CACNA1A: variants seen among roughly 807,000 people sequenced by gnomAD.
The protein encoded by CACNA1A is voltage-dependent P/Q-type calcium channel subunit alpha-1A.
CACNA1A carries 57 observed loss-of-function variants against 262.4 expected under a neutral mutation model. That is an observed-to-expected ratio of 0.22 (90% CI 0.18 to 0.27). The LOEUF (loss-of-function observed/expected upper bound fraction) is 0.27, where lower values mean the gene tolerates loss of function less well. Among genes scored for constraint, CACNA1A ranks in the 10% least tolerant of loss-of-function variants. The pLI, the probability that CACNA1A is intolerant of heterozygous loss-of-function variation, is 1.00. For synonymous variants in CACNA1A, 1,431 were observed against 1,419.3 expected (o/e 1.01, Z -0.18); for missense variants, 2,526 against 3,562.8 (o/e 0.71, Z 7.41).
rs1491475435 is a variant in CACNA1A at position 13,212,848 on chromosome 19, A to ACACACACT, written c.5941-109_5941-108insAGTGTGTG. ...AGTATACACACACACACACACACAC[A>ACACACACT]CTCTCTCAGGTCTCATCCATCTAGA... On this transcript the variant is annotated intron_variant, in intron 40 of 46. Coordinates refer to ENST00000360228, the MANE Select transcript of CACNA1A (RefSeq NM_001127222.2). This position sits in a 1 kb window ranked among gnomAD's most constrained non-coding sequence, Gnocchi z 5.6. The ACACACACT allele has an allele frequency of 1.6e-3, 876 of 542,094 alleles. 11 individuals are homozygous for ACACACACT. Among genetic ancestry groups the ACACACACT allele is most frequent in the African/African-American group, 0.015 (743 of 51,082 alleles). 33.6% of individuals were successfully genotyped at this position (542,094 alleles called of 1,614,324 possible).
chr19:13,255,040 A>T (rs765784722), intron 29 of CACNA1A, 55 bp downstream of exon 29: 68 of 1,572,572 alleles, frequency 4.3e-5, no homozygotes, highest in Non-Finnish European at 5.9e-5. Context: ...ATCAGGGTAG[A>T]GGCAGGAACG....
At chr19:13,350,242 C>T (rs2058882459) in intron 6 of CACNA1A, among the ~76,000 whole-genome samples, 1 of 152,174 alleles carries the variant, frequency 6.6e-6, no homozygotes, top group Non-Finnish European at 1.5e-5. Context: ...GTACTACTGA[C>T]ATTTTGGGCT....
At chr19:13,490,566 C>T (rs914535339) in intron 1 of CACNA1A, among the ~76,000 whole-genome samples, 1 of 151,410 alleles carries the variant, frequency 6.6e-6, no homozygotes, top group Non-Finnish European at 1.5e-5. Flanking sequence ...TGTGCCATTG[C>T]ACTCCAGCCT....
chr19:13,292,603 G>A (rs1189864972), intron 19 of CACNA1A, among the ~76,000 whole-genome samples: 3 of 151,572 alleles, frequency 2.0e-5, no homozygotes, highest in Admixed American at 2.0e-4. Context: ...ATGACAAAGC[G>A]AGACCATGTC....
chr19:13,341,930 G>A (rs993250269), intron 6 of CACNA1A, among the ~76,000 whole-genome samples: 2 of 152,082 alleles, frequency 1.3e-5, no homozygotes, highest in East Asian at 1.9e-4. Flanking sequence ...GCACACAGTC[G>A]GTGCTCAATA....
chr19:13,466,661 ACTGCTG>A (rs199568697), intron 1 of CACNA1A, among the ~76,000 whole-genome samples: 4 of 122,588 alleles, frequency 3.3e-5, no homozygotes, highest in African/African-American at 1.5e-4. Context: ...CTTTTAAAAT[ACTGCTG>A]CTGCTGCTGC....
At chr19:13,459,936 T>C (rs566995004) in intron 1 of CACNA1A, among the ~76,000 whole-genome samples, 8 of 152,328 alleles carry the variant, frequency 5.3e-5, no homozygotes, top group South Asian at 2.1e-4. Context: ...TCTCTGGGTA[T>C]GGCAATAAAA....
chr19:13,228,989 C>G, intron 36 of CACNA1A: 1 of 320,502 alleles, frequency 3.1e-6, no homozygotes, highest in Non-Finnish European at 5.8e-6. Context: ...CAGTCGAGTT[C>G]GGGACTGCAG....
chr19:13,305,879 G>GT (rs1252047940), intron 15 of CACNA1A, among the ~76,000 whole-genome samples: 1 of 152,132 alleles, frequency 6.6e-6, no homozygotes, highest in African/African-American at 2.4e-5. Flanking sequence ...GGCCAACATA[G>GT]TGAAACCCTG....
intron 30 of CACNA1A, among the ~76,000 whole-genome samples, chr19:13,247,774 G>C (rs578259461): frequency 6.6e-6 from 1 of 151,894 alleles, no homozygotes; most frequent in African/African-American, 2.4e-5. Context: ...GGCACTTTTG[G>C]CATTTTGGCA....
intron 10 of CACNA1A, among the ~76,000 whole-genome samples, chr19:13,320,321 C>T (rs935230189): frequency 5.3e-5 from 8 of 151,848 alleles, no homozygotes; most frequent in Admixed American, 2.0e-4. Context: ...CTGCTGGAGC[C>T]ACACTGAAAA....
intron 3 of CACNA1A, among the ~76,000 whole-genome samples, chr19:13,425,056 A>G (rs2060378906): frequency 6.6e-6 from 1 of 152,052 alleles, no homozygotes; most frequent in Admixed American, 6.6e-5. Flanking sequence ...CGCCCACCTT[A>G]GCCTCCCAAA....
Position 13,332,908 on chromosome 19 carries a change from C to T in CACNA1A, c.1216G>A (p.Glu406Lys), listed in dbSNP as rs2058491162. ...CTCTGCTCCCCGTCAGTTTCATCCT[C>T]GGCGAGGATCACCTCTTCTGAAGAG... Reference protein sequence around the residue: ...ISKAEEVILAEDETDGEQRHP... With the variant: ...ISKAEEVILAKDETDGEQRHP... Residue 406 changes from glutamate (E) to lysine (K), a missense_variant, in exon 9 of 47, where the codon GAG (glutamate) becomes AAG (lysine). Glu to Lys is a moderately conservative substitution (Grantham distance 56, BLOSUM62 1). This residue lies in a region of CACNA1A where 104 missense variants were observed against 127.6 expected (regional missense o/e 0.81). Coordinates refer to ENST00000360228, the MANE Select transcript of CACNA1A (RefSeq NM_001127222.2). 15 of 1,612,592 alleles carry T rather than the reference C, an allele frequency of 9.3e-6. No homozygotes were observed. The highest frequency in any genetic ancestry group is 9.3e-6 in the Non-Finnish European group (11 of 1,179,070).
rs767440240 is a variant in CACNA1A, at chr19:13,212,414, G to A, written c.6159C>T (p.Thr2053=). 8 of 1,613,378 alleles carry A rather than the reference G, an allele frequency of 5.0e-6. No homozygotes were observed. The highest frequency in any genetic ancestry group is 6.8e-6 in the Non-Finnish European group (8 of 1,179,736). The change falls in exon 42 of 47, where the codon ACC becomes ACT. Residue 2053 remains threonine, a synonymous_variant. Transcript: ENST00000360228. The surrounding 1 kb of genome is among the most constrained non-coding windows in gnomAD (Gnocchi z 5.6). ...GTWSPEQGPP[T]DMPNSQPNSQ... is the part of the protein sequence containing the mutation. ...AGTTAGGCTGGCTGTTGGGCATGTCGGTAGGGGGGCCTTGTTCCGGACTCC... is the reference window on the plus strand; with the variant it reads ...AGTTAGGCTGGCTGTTGGGCATGTCAGTAGGGGGGCCTTGTTCCGGACTCC...
At position 13,232,828 on chromosome 19, in the gene CACNA1A, C is replaced by T. The variant is rs1242024332; in HGVS notation, c.5250-968G>A. ...CTTTGGGTGGCTGAGGCGGGTGGAT[C>T]ACCTGAGGTCAGGAGTTTGAGAACG... On this transcript the variant is annotated intron_variant, in intron 34 of 46. Transcript: ENST00000360228. 5.9e-5 allele frequency among the ~76,000 whole-genome samples: 9 copies of T among 151,274 alleles called. No individual in the cohort carries two copies. In the South Asian group the frequency reaches 1.7e-3, roughly 28 times the overall value.
chr19:13,451,779 G>A (rs1435395662), intron 3 of CACNA1A: 1 of 152,168 alleles, frequency 6.6e-6, no homozygotes, highest in African/African-American at 2.4e-5. Context: ...TGACAATGAA[G>A]AGCCACAATA....
At chr19:13,316,906 C>T (rs901516623) in intron 11 of CACNA1A, 20 of 442,186 alleles carry the variant, frequency 4.5e-5, no homozygotes, top group Non-Finnish European at 4.4e-5. Flanking sequence ...ATTCCAGCTT[C>T]CAGCTCTCAG....
chr19:13,492,506 A>G (rs10411423), intron 1 of CACNA1A, among the ~76,000 whole-genome samples: 110,946 of 152,006 alleles, frequency 0.73, 41,490 homozygotes, highest in African/African-American at 0.9. Context: ...CCTGACATAC[A>G]ACCTTGCCAT....
At chr19:13,251,848 T>C (rs2056407161) in intron 30 of CACNA1A, among the ~76,000 whole-genome samples, 1 of 152,110 alleles carries the variant, frequency 6.6e-6, no homozygotes, top group East Asian at 1.9e-4. Flanking sequence ...CACTGTAACC[T>C]CCACTTTGTG....
Sources: gnomAD v4.1 joint callset for allele counts (sites outside exome capture counted in the v4.1 genomes callset) on GRCh38, gnomAD v4.1.1 for gene constraint, gnomAD v4.1.1 regional missense constraint, Gnocchi (gnomAD v3.1) non-coding constraint, MANE v1.5 for transcripts, NCBI Gene and HGNC (gene_info 2026-07-23, HGNC 2026-07-21) for gene names.